Variants in RANBP2 observed in about 807,000 individuals in gnomAD.
RANBP2 encodes E3 SUMO-protein ligase RanBP2.
RANBP2 carries 57 observed loss-of-function variants against 303.6 expected under a neutral mutation model. The observed-to-expected ratio is 0.19, with a 90% CI of 0.15 to 0.23. RANBP2 has a LOEUF of 0.23. RANBP2 is among the 10% of genes least tolerant of loss of function. RANBP2 has a pLI of 1.00. For synonymous variants in RANBP2, 1,167 were observed against 1,301.5 expected (o/e 0.90, Z 2.23); for missense variants, 3,138 against 3,780.8 (o/e 0.83, Z 4.46).
the RANBP2 span, among the ~76,000 whole-genome samples, chr2:108,860,521 T>C: frequency 6.6e-6 from 1 of 152,034 alleles, no homozygotes; most frequent in Admixed American, 6.5e-5. Flanking sequence ...AGGTTTTTTT[T>C]TTTTTATCCT....
the RANBP2 span, among the ~76,000 whole-genome samples, chr2:109,426,884 T>G: frequency 6.6e-6 from 1 of 152,030 alleles, no homozygotes; most frequent in Non-Finnish European, 1.5e-5. Flanking sequence ...ACTATTCACA[T>G]CAAGACAAGA....
chr2:109,277,229 G>A, the RANBP2 span, among the ~76,000 whole-genome samples: 1 of 152,132 alleles, frequency 6.6e-6, no homozygotes, highest in Non-Finnish European at 1.5e-5. Context: ...CCTGCATTTC[G>A]GATGTGTCAC....
the RANBP2 span, chr2:109,543,162 G>C: frequency 5.2e-5 from 8 of 152,446 alleles, no homozygotes; most frequent in Non-Finnish European, 1.5e-5. Context: ...TGAATTATGT[G>C]CATTTTTATA....
At chr2:109,432,203 T>A in the RANBP2 span, among the ~76,000 whole-genome samples, 1 of 152,106 alleles carries the variant, frequency 6.6e-6, no homozygotes, top group African/African-American at 2.4e-5. Flanking sequence ...TCACTGGGCC[T>A]TAGGGAGCTG....
At chr2:108,737,035 T>G (rs1322894318) in intron 6 of RANBP2, among the ~76,000 whole-genome samples, 1 of 135,018 alleles carries the variant, frequency 7.4e-6, no homozygotes, top group Non-Finnish European at 1.6e-5. Flanking sequence ...ATTGCTAGTT[T>G]AGGCTGTCCA....
chr2:108,784,470 CGT>C lies in RANBP2; in HGVS notation c.*570_*571del, dbSNP rs1678467895. 1 of 152,684 alleles carries C rather than the reference CGT, an allele frequency of 6.5e-6. No homozygotes were observed. Among genetic ancestry groups the C allele is most frequent in the South Asian group, 2.1e-4 (1 of 4,834 alleles). The allele number at this position is 152,684 out of a possible 1,614,324, so 9.5% of individuals were successfully genotyped here. On this transcript the variant is annotated 3_prime_UTR_variant, in exon 29 of 29. Transcript: ENST00000283195. The stretch of plus-strand genomic sequence containing the variant: ...GGTTACAAGTTAACTTTGTAAGTAG[CGT>C]ACCTTCCTTCCTTAAAATATCTAGC...
At chr2:109,565,933 A>T in the RANBP2 span, 5 of 1,271,608 alleles carry the variant, frequency 3.9e-6, no homozygotes, top group African/African-American at 7.4e-5. Flanking sequence ...TTTATGTGAG[A>T]GAGAAGAGAA....
the RANBP2 span, among the ~76,000 whole-genome samples, chr2:109,707,324 A>G: frequency 6.6e-6 from 1 of 152,194 alleles, no homozygotes; most frequent in South Asian, 2.1e-4. Context: ...CTTGCCTTCT[A>G]TCCTCTGTGA....
the RANBP2 span, among the ~76,000 whole-genome samples, chr2:109,647,105 C>G: frequency 6.6e-6 from 1 of 151,060 alleles, no homozygotes; most frequent in Non-Finnish European, 1.5e-5. Flanking sequence ...CCCAGACCTT[C>G]CTGTGCGTGA....
the RANBP2 span, among the ~76,000 whole-genome samples, chr2:109,406,841 C>T: frequency 2.6e-5 from 4 of 152,146 alleles, no homozygotes; most frequent in African/African-American, 7.2e-5. Flanking sequence ...ATGCGCATTT[C>T]AGTGGTCGAA....
the RANBP2 span, among the ~76,000 whole-genome samples, chr2:108,816,774 C>T: frequency 6.6e-6 from 1 of 152,180 alleles, no homozygotes; most frequent in Non-Finnish European, 1.5e-5. Flanking sequence ...TTGCTTACTG[C>T]AGCCTCCAAA....
At chr2:109,410,104 C>A in the RANBP2 span, among the ~76,000 whole-genome samples, 17 of 152,186 alleles carry the variant, frequency 1.1e-4, no homozygotes, top group African/African-American at 3.6e-4. Context: ...TGCTTAGGGG[C>A]CCCATTAAAA....
the RANBP2 span, among the ~76,000 whole-genome samples, chr2:109,337,102 T>C: frequency 2.2e-3 from 333 of 152,370 alleles, 1 homozygote; most frequent in Non-Finnish European, 3.2e-3. Flanking sequence ...TCAGGACTTG[T>C]AGTTTTCACA....
the RANBP2 span, among the ~76,000 whole-genome samples, chr2:109,173,751 T>C: frequency 6.6e-6 from 1 of 152,100 alleles, no homozygotes; most frequent in Non-Finnish European, 1.5e-5. Context: ...CCAGGGACTG[T>C]GGTAGCCTGC....
chr2:109,321,303 T>A, the RANBP2 span, among the ~76,000 whole-genome samples: 3 of 152,236 alleles, frequency 2.0e-5, no homozygotes, highest in African/African-American at 7.2e-5. Flanking sequence ...CTTAATTTAG[T>A]AAATTGGTAG....
At chr2:109,507,243 C>A in the RANBP2 span, among the ~76,000 whole-genome samples, 3 of 152,192 alleles carry the variant, frequency 2.0e-5, no homozygotes, top group South Asian at 2.1e-4. Flanking sequence ...GATGCACCCC[C>A]CTTCCCGAGC....
chr2:109,434,981 G>A, the RANBP2 span, among the ~76,000 whole-genome samples: 1 of 152,116 alleles, frequency 6.6e-6, no homozygotes, highest in Admixed American at 6.5e-5. Flanking sequence ...AGAGTGGCCC[G>A]GTCCCCTCCC....
chr2:109,256,861 C>T, the RANBP2 span, among the ~76,000 whole-genome samples: 3 of 152,098 alleles, frequency 2.0e-5, no homozygotes, highest in East Asian at 1.9e-4. Flanking sequence ...TCCATTGTCC[C>T]GGAGACTAAC....
chr2:109,454,110 T>C, the RANBP2 span, among the ~76,000 whole-genome samples: 31 of 152,192 alleles, frequency 2.0e-4, no homozygotes, highest in African/African-American at 7.2e-4. Flanking sequence ...CATTACATGG[T>C]GAGATAAGAG....
Sources: allele counts gnomAD v4.1 joint callset (sites outside exome capture counted in the v4.1 genomes callset), GRCh38; gene constraint gnomAD v4.1.1; transcripts MANE v1.5; gene names NCBI Gene and HGNC (gene_info 2026-07-23, HGNC 2026-07-21).